DPP6: variants seen among roughly 807,000 people sequenced by gnomAD.
DPP6 encodes A-type potassium channel modulatory protein DPP6.
A neutral mutation model predicts 122.6 loss-of-function variants in DPP6; 69 were observed. The ratio of observed to expected loss-of-function variants is 0.56; its 90% CI spans 0.46 to 0.69. The LOEUF (loss-of-function observed/expected upper bound fraction) is 0.69. Ranked by LOEUF, DPP6 falls within the 30% of genes least tolerant of loss-of-function variation. DPP6 has a pLI of 0.00. For synonymous variants in DPP6, 418 were observed against 433.1 expected, an observed-to-expected ratio of 0.97 and a Z score of 0.43; for missense variants, 928 against 1,116.9, an observed-to-expected ratio of 0.83 and a Z score of 2.41.
Position 154,062,122 on chromosome 7 carries a change from C to T in DPP6, c.243+9059C>T, listed in dbSNP as rs1450297565. 1.0e-4 allele frequency among the ~76,000 whole-genome samples: 10 copies of T among 98,876 alleles called. 1 individual carries two copies. The highest frequency in any genetic ancestry group is 2.8e-4 in the East Asian group (1 of 3,566). The allele number at this position is 98,876 out of a possible 152,430, so 64.9% of individuals were successfully genotyped here. A position where few individuals can be genotyped will look rare whatever the true frequency, so the allele number is the denominator to read the frequency against. Reference sequence around the variant, plus strand: ...GAGGGGGGACGCACCCCCCGCGAGGCGGGGACTGAGAGCCAGACCCTCATC... The same window carrying T: ...GAGGGGGGACGCACCCCCCGCGAGGTGGGGACTGAGAGCCAGACCCTCATC... On this transcript the variant is annotated intron_variant, in intron 1 of 25. Coordinates refer to ENST00000377770, the MANE Select transcript of DPP6 (RefSeq NM_130797.4).
the DPP6 span, among the ~76,000 whole-genome samples, chr7:153,880,851 T>A: frequency 6.6e-6 from 1 of 152,226 alleles, no homozygotes; most frequent in Non-Finnish European, 1.5e-5. Flanking sequence ...CCTGTTAAAT[T>A]GAGCAAGTGC....
intron 1 of DPP6, among the ~76,000 whole-genome samples, chr7:154,279,993 T>C (rs1164458320): frequency 1.3e-5 from 2 of 152,162 alleles, no homozygotes; most frequent in East Asian, 1.9e-4. Flanking sequence ...AGGATATAAC[T>C]TGAAGTAAAT....
chr7:154,272,707 G>C lies in DPP6; in HGVS notation c.244-173507G>C, dbSNP rs569960006. Among the ~76,000 whole-genome samples the C allele has an allele frequency of 3.3e-4, 51 of 152,240 alleles. No homozygotes were observed. In the South Asian group the frequency reaches 8.5e-3, roughly 25 times the overall value. ...GCCATTAAAGTCCTTAGACCACGGG[G>C]GCCTCAATAGAGCCTGAGATGGCTG... On this transcript the variant is annotated intron_variant, in intron 1 of 25. Transcript: ENST00000377770.
At chr7:154,093,229 C>T (rs532334185) in intron 1 of DPP6, among the ~76,000 whole-genome samples, 12 of 149,436 alleles carry the variant, frequency 8.0e-5, no homozygotes, top group South Asian at 2.1e-4. Context: ...ATCATACACA[C>T]GACACACAGC....
chr7:154,892,938 T>C lies in DPP6; in HGVS notation c.*458T>C. On this transcript the variant is annotated 3_prime_UTR_variant, in exon 26 of 26. Coordinates refer to ENST00000377770, the MANE Select transcript of DPP6 (RefSeq NM_130797.4). ...CATGGACGCAGCAGTTACAGCACCATTGTTTTAGCAGTGCGTGTTCATATA... is the reference window on the plus strand; with the variant it reads ...CATGGACGCAGCAGTTACAGCACCACTGTTTTAGCAGTGCGTGTTCATATA... 1.9e-6 allele frequency: 1 copy of C among 521,236 alleles called. No individual in the cohort carries two copies. Among genetic ancestry groups the C allele is most frequent in the Non-Finnish European group, 3.8e-6 (1 of 261,478 alleles). The allele number at this position is 521,236 out of a possible 1,614,324, so 32.3% of individuals were successfully genotyped here.
the DPP6 span, among the ~76,000 whole-genome samples, chr7:153,820,811 G>T: frequency 6.6e-6 from 1 of 151,348 alleles, no homozygotes; most frequent in Non-Finnish European, 1.5e-5. Flanking sequence ...GGAAAAATTG[G>T]TAAGAAAAGG....
chr7:154,323,613 T>G (rs1404255978), intron 1 of DPP6, among the ~76,000 whole-genome samples: 1 of 152,220 alleles, frequency 6.6e-6, no homozygotes, highest in African/African-American at 2.4e-5. Context: ...GTGGATGGAA[T>G]CATCTTTCTT....
In DPP6 at chr7:154,604,593, A is replaced by C. The variant is rs529421452; in HGVS notation, c.628-33228A>C. ...TTTAAGTCTTCTAATAAAATGTTATAATATTCATCATAGATGTCTTAAATA... is the reference window on the plus strand; with the variant it reads ...TTTAAGTCTTCTAATAAAATGTTATCATATTCATCATAGATGTCTTAAATA... On this transcript the variant is annotated intron_variant, in intron 5 of 25. Transcript: ENST00000377770. Among the ~76,000 whole-genome samples the C allele has an allele frequency of 1.5e-3, 179 of 121,300 alleles. 51 individuals carry two copies. The highest frequency in any genetic ancestry group is 3.0e-3 in the Non-Finnish European group (160 of 53,628). 79.6% of individuals were successfully genotyped at this position (121,300 alleles called of 152,430 possible). A position where few individuals can be genotyped will look rare whatever the true frequency, so the allele number is the denominator to read the frequency against.
chr7:154,692,781 CTTTTTTTTTT>C (rs200799193), intron 7 of DPP6, among the ~76,000 whole-genome samples: 1 of 141,496 alleles, frequency 7.1e-6, no homozygotes, highest in African/African-American at 2.5e-5. Flanking sequence ...TTCTCTCTCT[CTTTTTTTTTT>C]TTTTTTTTGA....
At chr7:154,567,310 T>C (rs1830823569) in intron 5 of DPP6, among the ~76,000 whole-genome samples, 1 of 152,200 alleles carries the variant, frequency 6.6e-6, no homozygotes, top group African/African-American at 2.4e-5. Context: ...GTTAATTATC[T>C]CCTGGTCATT....
At chr7:154,562,973 A>G (rs1377491678) in intron 4 of DPP6, among the ~76,000 whole-genome samples, 1 of 152,182 alleles carries the variant, frequency 6.6e-6, no homozygotes, top group Admixed American at 6.5e-5. Flanking sequence ...TTTACACTCT[A>G]ATGAAGAAAG....
At chr7:153,996,600 T>G (rs1171977955) in intron 1 of DPP6, among the ~76,000 whole-genome samples, 2 of 151,798 alleles carry the variant, frequency 1.3e-5, no homozygotes, top group African/African-American at 2.4e-5. Flanking sequence ...GAAAAAAGAC[T>G]GGAAAAGTAC....
chr7:154,632,631 G>T (rs1366867487), intron 5 of DPP6, among the ~76,000 whole-genome samples: 1 of 152,082 alleles, frequency 6.6e-6, no homozygotes, highest in African/African-American at 2.4e-5. Context: ...CTGATATATT[G>T]GTCTGTAGCT....
chr7:154,212,513 A>G (rs1313557140), intron 1 of DPP6, among the ~76,000 whole-genome samples: 1 of 152,202 alleles, frequency 6.6e-6, no homozygotes, highest in African/African-American at 2.4e-5. Flanking sequence ...AGGTGATTCC[A>G]GTGCTGGGGG....
intron 1 of DPP6, among the ~76,000 whole-genome samples, chr7:153,965,659 CCCA>C (rs752913393): frequency 1.1e-4 from 16 of 151,970 alleles, no homozygotes; most frequent in Non-Finnish European, 2.1e-4. Context: ...ACTACAGGCG[CCCA>C]CCACCACGCC....
Position 154,053,064 on chromosome 7 carries a change from G to T in DPP6, c.243+1G>T. 9 of 1,050,748 alleles carry T rather than the reference G, an allele frequency of 8.6e-6. No homozygotes were observed. The highest frequency in any genetic ancestry group is 1.0e-5 in the Non-Finnish European group (9 of 872,408). The allele number at this position is 1,050,748 out of a possible 1,614,324, so 65.1% of individuals were successfully genotyped here. A position where few individuals can be genotyped will look rare whatever the true frequency, so the allele number is the denominator to read the frequency against. ...GCGGAGCGATGGTGACGAGGAGGAC[G>T]TAAGAGCTTCTCGGGGGCGGGGGGC... On this transcript the variant is annotated splice_donor_variant, in intron 1 of 25. Coordinates refer to ENST00000377770, the MANE Select transcript of DPP6 (RefSeq NM_130797.4). LOFTEE classifies it high-confidence loss of function.
At chr7:154,708,190 G>A (rs1349367249) in intron 7 of DPP6, among the ~76,000 whole-genome samples, 3 of 152,182 alleles carry the variant, frequency 2.0e-5, no homozygotes, top group South Asian at 2.1e-4. Context: ...ACATAACCAC[G>A]TGTATACATA....
intron 10 of DPP6, among the ~76,000 whole-genome samples, chr7:154,787,041 T>A (rs978083859): frequency 2.0e-5 from 3 of 152,230 alleles, no homozygotes; most frequent in African/African-American, 7.2e-5. Context: ...GTTGTCTTTA[T>A]TATTGTACAT....
At chr7:154,852,342 G>A (rs1802464127) in intron 16 of DPP6, among the ~76,000 whole-genome samples, 1 of 152,164 alleles carries the variant, frequency 6.6e-6, no homozygotes, top group South Asian at 2.1e-4. Flanking sequence ...GCCTGAAGCA[G>A]AGCGCAAGCA....
Sources: gnomAD v4.1 joint callset for allele counts (sites outside exome capture counted in the v4.1 genomes callset) on GRCh38, gnomAD v4.1.1 for gene constraint, MANE v1.5 for transcripts, NCBI Gene and HGNC (gene_info 2026-07-23, HGNC 2026-07-21) for gene names.